Variants in RNGTT observed in about 807,000 individuals in gnomAD.
The protein encoded by RNGTT is mRNA-capping enzyme.
In RNGTT, 33 loss-of-function variants were observed where a neutral mutation model predicts 79.3. That is an observed-to-expected ratio of 0.42 (90% CI 0.32 to 0.56). RNGTT has a LOEUF of 0.56. Ranked by LOEUF, RNGTT falls within the 20% of genes least tolerant of loss-of-function variation. The probability of loss-of-function intolerance (pLI) is 0.17; values close to 1 mark genes in which losing one functional copy is unlikely to be tolerated. For missense variants in RNGTT, 497 were observed against 739.1 expected, an observed-to-expected ratio of 0.67 and a Z score of 3.80; for synonymous variants, 222 against 235.9, an observed-to-expected ratio of 0.94 and a Z score of 0.54.
chr6:88,746,524 CT>C (rs1309841916), intron 13 of RNGTT, among the ~76,000 whole-genome samples: 1 of 152,158 alleles, frequency 6.6e-6, no homozygotes, highest in Non-Finnish European at 1.5e-5. Flanking sequence ...TGGGGGAATG[CT>C]TTGGGGAAGA....
intron 13 of RNGTT, among the ~76,000 whole-genome samples, chr6:88,767,384 C>T (rs944183917): frequency 1.3e-5 from 2 of 151,898 alleles, no homozygotes; most frequent in Non-Finnish European, 2.9e-5. Flanking sequence ...TTACATCATG[C>T]TATGTTTAAT....
In RNGTT at chr6:88,750,376, C is replaced by CA. The variant is rs572256325; in HGVS notation, c.1439+19397dup. ...ATATAATGCAAGTTTGAATAACGAT[C>CA]ATGTCTACAGAACAGAGGCAAGTCA... On this transcript the variant is annotated intron_variant, in intron 13 of 15. Transcript: ENST00000369485. Among the ~76,000 whole-genome samples the CA allele has an allele frequency of 1.1e-4, 17 of 152,156 alleles. No homozygotes were observed. The East Asian group carries it at 2.5e-3, about 22-fold the overall frequency.
chr6:88,726,138 T>A (rs1776895683), intron 13 of RNGTT, among the ~76,000 whole-genome samples: 1 of 152,152 alleles, frequency 6.6e-6, no homozygotes, highest in South Asian at 2.1e-4. Flanking sequence ...TTGAAGGTCT[T>A]CTCTATGACC....
intron 14 of RNGTT, among the ~76,000 whole-genome samples, chr6:88,670,116 C>A (rs188953198): frequency 1.3e-5 from 2 of 152,318 alleles, no homozygotes; most frequent in Admixed American, 1.3e-4. Flanking sequence ...GAAAATTCAA[C>A]CTGACCAATT....
chr6:88,886,961 A>G (rs1015540203), intron 8 of RNGTT, among the ~76,000 whole-genome samples: 7 of 150,674 alleles, frequency 4.6e-5, no homozygotes, highest in Non-Finnish European at 8.9e-5. Context: ...TTATAATCCC[A>G]GTACTTCAGG....
intron 2 of RNGTT, among the ~76,000 whole-genome samples, chr6:88,930,165 C>T (rs1422611934): frequency 6.8e-6 from 1 of 147,070 alleles, no homozygotes; most frequent in African/African-American, 2.5e-5. Flanking sequence ...TACATATATA[C>T]ATATACATAT....
In RNGTT at chr6:88,959,378, A is replaced by T. The variant is rs9444658; in HGVS notation, c.64+3968T>A. 7.8e-3 allele frequency among the ~76,000 whole-genome samples: 1,181 copies of T among 152,292 alleles called. 9 individuals carry two copies. The highest frequency in any genetic ancestry group is 0.026 in the African/African-American group (1,092 of 41,554). On this transcript the variant is annotated intron_variant, in intron 1 of 15. Transcript: ENST00000369485. Reference sequence around the variant, plus strand: ...TAACATAAAAATGTTTTTTAAAAAGATCTTTACTAAAGATCTCTATTTGAG... The same window carrying T: ...TAACATAAAAATGTTTTTTAAAAAGTTCTTTACTAAAGATCTCTATTTGAG...
chr6:88,956,704 G>A (rs1785442682), intron 1 of RNGTT, among the ~76,000 whole-genome samples: 1 of 152,192 alleles, frequency 6.6e-6, no homozygotes, highest in Non-Finnish European at 1.5e-5. Flanking sequence ...GATCAAGTGA[G>A]TTTCATACCA....
At chr6:88,676,331 C>T (rs552217966) in intron 14 of RNGTT, among the ~76,000 whole-genome samples, 2 of 151,752 alleles carry the variant, frequency 1.3e-5, no homozygotes, top group African/African-American at 4.9e-5. Flanking sequence ...ATCTATATAT[C>T]CACGTCTTGG....
chr6:88,855,523 AAAAGG>A (rs1423199659), intron 8 of RNGTT, among the ~76,000 whole-genome samples: 3 of 152,166 alleles, frequency 2.0e-5, no homozygotes. Context: ...TGAAAAAAGA[AAAAGG>A]AAAGGAAAAA....
intron 13 of RNGTT, among the ~76,000 whole-genome samples, chr6:88,738,678 T>C (rs903854386): frequency 3.9e-5 from 6 of 152,090 alleles, no homozygotes; most frequent in Middle Eastern, 3.2e-3. Flanking sequence ...AACATACCAA[T>C]ATTGGTTCAT....
chr6:88,915,672 A>G (rs972588969), intron 4 of RNGTT, among the ~76,000 whole-genome samples: 1 of 152,190 alleles, frequency 6.6e-6, no homozygotes, highest in African/African-American at 2.4e-5. Context: ...TACTATGTTC[A>G]CTATCTGTGT....
intron 13 of RNGTT, among the ~76,000 whole-genome samples, chr6:88,701,847 T>G (rs2127802220): frequency 1.1e-5 from 1 of 90,060 alleles, no homozygotes; most frequent in South Asian, 3.2e-4. Flanking sequence ...TTTTAATAAG[T>G]TTGGGCTTCA....
intron 1 of RNGTT, among the ~76,000 whole-genome samples, chr6:88,960,916 T>C (rs1785594392): frequency 6.6e-6 from 1 of 152,188 alleles, no homozygotes; most frequent in Non-Finnish European, 1.5e-5. Flanking sequence ...ATGCAAAATA[T>C]CAAAGAAATT....
At chr6:88,661,854 A>C (rs1172753807) in intron 14 of RNGTT, among the ~76,000 whole-genome samples, 1 of 152,224 alleles carries the variant, frequency 6.6e-6, no homozygotes, top group East Asian at 1.9e-4. Context: ...CCAGGGAAGG[A>C]CATAACAAAA....
At chr6:88,825,932 T>C (rs911370018) in intron 11 of RNGTT, among the ~76,000 whole-genome samples, 2 of 152,244 alleles carry the variant, frequency 1.3e-5, no homozygotes, top group African/African-American at 4.8e-5. Context: ...CACAAACAAA[T>C]TGATGCTGAT....
At chr6:88,839,197 C>T (rs1781179898) in intron 11 of RNGTT, among the ~76,000 whole-genome samples, 1 of 151,892 alleles carries the variant, frequency 6.6e-6, no homozygotes, top group Admixed American at 6.6e-5. Flanking sequence ...TCTCTGTGTA[C>T]CTATACTGGA....
At chr6:88,864,955 A>G (rs1038102945) in intron 8 of RNGTT, among the ~76,000 whole-genome samples, 1 of 152,114 alleles carries the variant, frequency 6.6e-6, no homozygotes, top group Non-Finnish European at 1.5e-5. Flanking sequence ...TTACTGTTTA[A>G]TGAGTATAGA....
intron 14 of RNGTT, among the ~76,000 whole-genome samples, chr6:88,677,570 G>A (rs1039977738): frequency 7.2e-4 from 109 of 152,002 alleles, no homozygotes; most frequent in African/African-American, 2.5e-3. Flanking sequence ...AGGTTCAGGC[G>A]ATCCTCTTGC....
Sources: gnomAD v4.1 joint callset for allele counts (sites outside exome capture counted in the v4.1 genomes callset) on GRCh38, gnomAD v4.1.1 for gene constraint, MANE v1.5 for transcripts, NCBI Gene and HGNC (gene_info 2026-07-23, HGNC 2026-07-21) for gene names.